Variants in CCDC61 observed in about 807,000 individuals in gnomAD.
CCDC61 encodes the protein coiled-coil domain containing 61, also known as centrosomal protein CCDC61.
A neutral mutation model predicts 63.0 loss-of-function variants in CCDC61; 55 were observed. The observed-to-expected ratio is 0.87, with a 90% CI of 0.70 to 1.09. The LOEUF is 1.09. CCDC61 is among the 50% of genes least tolerant of loss of function. The pLI, the probability that CCDC61 is intolerant of heterozygous loss-of-function variation, is 0.00. For synonymous variants in CCDC61, 270 were observed against 317.0 expected (o/e 0.85, Z 1.58); for missense variants, 651 against 731.4 (o/e 0.89, Z 1.27).
chr19:46,018,429 C>A lies in CCDC61; in HGVS notation c.*42C>A. 1 of 1,494,424 alleles carries A rather than the reference C, an allele frequency of 6.7e-7. No homozygotes were observed. The highest frequency in any genetic ancestry group is 9.1e-7 in the Non-Finnish European group (1 of 1,096,646). The allele number at this position is 1,494,424 out of a possible 1,614,324, so 92.6% of individuals were successfully genotyped here. On this transcript the variant is annotated 3_prime_UTR_variant, in exon 14 of 14. Coordinates refer to ENST00000595358, the MANE Select transcript of CCDC61 (RefSeq NM_001267723.2). This position sits in a 1 kb window ranked among gnomAD's most constrained non-coding sequence, Gnocchi z 4.2. ...TACCCCTCCATCCCCCACCCACTTG[C>A]TGGGTATGGTGTGGGGGGTGGGGCC... is the stretch of plus-strand genomic sequence containing the variant.
chr19:46,013,376 C>T (rs1422832630), intron 5 of CCDC61, among the ~76,000 whole-genome samples: 2 of 151,480 alleles, frequency 1.3e-5, no homozygotes, highest in African/African-American at 2.4e-5. Context: ...AGGCATGTCT[C>T]AAACTCTTGG....
At position 46,018,103 on chromosome 19, in the gene CCDC61, A is replaced by G; in HGVS notation, c.1394A>G (p.His465Arg). The change falls in exon 13 of 14, where the codon CAC (histidine) becomes CGC (arginine). Residue 465 changes from histidine (H) to arginine (R), a missense_variant. His to Arg is a conservative substitution (Grantham distance 29, BLOSUM62 0). Coordinates refer to ENST00000595358, the MANE Select transcript of CCDC61 (RefSeq NM_001267723.2). The surrounding 1 kb of genome is among the most constrained non-coding windows in gnomAD (Gnocchi z 4.2). ...NMKSPPVERS[H>R]HQKSLANSGG... ...AAGTCTCCCCCCGTGGAACGCAGCCACCATCAGAAATCTCTGGCCAACTCC... is the reference window on the plus strand; with the variant it reads ...AAGTCTCCCCCCGTGGAACGCAGCCGCCATCAGAAATCTCTGGCCAACTCC... 1 of 1,611,040 alleles carries G rather than the reference A, an allele frequency of 6.2e-7. No individual in the cohort carries two copies. The highest frequency in any genetic ancestry group is 1.3e-5 in the African/African-American group (1 of 74,866).
intron 5 of CCDC61, among the ~76,000 whole-genome samples, chr19:46,010,745 A>G (rs1049309727): frequency 6.6e-6 from 1 of 152,238 alleles, no homozygotes; most frequent in African/African-American, 2.4e-5. Context: ...CAGCTTCAAC[A>G]GTTACCCACG....
Position 46,016,226 on chromosome 19 carries a change from C to CT in CCDC61, c.1015+4dup, listed in dbSNP as rs1568697201. The CT allele has an allele frequency of 4.5e-6, 7 of 1,550,554 alleles. No homozygotes were observed. The Admixed American group carries it at 1.4e-4, about 30-fold the overall frequency. ...GCGCCCCTCGCCCTCGCCCACAGGT[C>CT]TGTGCCCCTGCCCTGCGGTAGGGAG... On this transcript the variant is annotated splice_donor_region_variant and intron_variant, in intron 8 of 13. Coordinates refer to ENST00000595358, the MANE Select transcript of CCDC61 (RefSeq NM_001267723.2). The surrounding 1 kb of genome is among the most constrained non-coding windows in gnomAD (Gnocchi z 7.2).
At chr19:46,008,880 G>A (rs1309965914) in intron 5 of CCDC61, among the ~76,000 whole-genome samples, 1 of 152,176 alleles carries the variant, frequency 6.6e-6, no homozygotes, top group African/African-American at 2.4e-5. Flanking sequence ...TACGGGAGGG[G>A]TGTTCTTGGC....
At chr19:46,001,513 C>T (rs904997740) in intron 1 of CCDC61, among the ~76,000 whole-genome samples, 2 of 152,226 alleles carry the variant, frequency 1.3e-5, no homozygotes, top group East Asian at 1.9e-4. Flanking sequence ...CGTGAGCCAA[C>T]GCACACGGAC....
intron 5 of CCDC61, among the ~76,000 whole-genome samples, chr19:46,012,017 G>T (rs539772020): frequency 6.6e-6 from 1 of 152,320 alleles, no homozygotes; most frequent in South Asian, 2.1e-4. Context: ...TGGCCAGGCT[G>T]ATCTCGAACT....
chr19:45,997,182 G>A (rs1021482942), intron 1 of CCDC61, among the ~76,000 whole-genome samples: 5 of 152,136 alleles, frequency 3.3e-5, no homozygotes, highest in African/African-American at 1.2e-4. Flanking sequence ...CCACCTCAGG[G>A]CCTTTGTACT....
intron 5 of CCDC61, among the ~76,000 whole-genome samples, chr19:46,009,314 T>C (rs1178984849): frequency 6.6e-6 from 1 of 152,138 alleles, no homozygotes; most frequent in Non-Finnish European, 1.5e-5. Context: ...AATCTGGGGC[T>C]TGATCGCTAC....
rs374101141 is a variant in CCDC61, at chr19:46,006,544, C to T, written c.232-15C>T. 317 of 1,501,912 alleles carry T rather than the reference C, an allele frequency of 2.1e-4. No homozygotes were observed. The African/African-American group carries it at 3.9e-3, about 19-fold the overall frequency. 93.0% of individuals were successfully genotyped at this position (1,501,912 alleles called of 1,614,324 possible). ...GGCGGGTGCTGTGGCAGCTCCTCCT[C>T]TCCTCTCCTGACAGAGTAGTGAGTC... On this transcript the variant is annotated splice_polypyrimidine_tract_variant and intron_variant, in intron 3 of 13. Coordinates refer to ENST00000595358, the MANE Select transcript of CCDC61 (RefSeq NM_001267723.2).
intron 1 of CCDC61, among the ~76,000 whole-genome samples, chr19:45,997,191 C>T (rs1471223276): frequency 6.6e-6 from 1 of 152,176 alleles, no homozygotes; most frequent in Admixed American, 6.5e-5. Context: ...GGCCTTTGTA[C>T]TCGCTGTCCT....
In CCDC61 at chr19:46,003,096, G is replaced by A. The variant is rs372922369; in HGVS notation, c.78G>A (p.Gly26=). The change falls in exon 2 of 14, where the codon GGG becomes GGA. Residue 26 remains glycine (G), a synonymous_variant. Coordinates refer to ENST00000595358, the MANE Select transcript of CCDC61 (RefSeq NM_001267723.2). ...ATGCCGTGCGGGTGATGGTTTCTGG[G>A]CAGGTGCTGGAGCTGGAGGTGGAGG... The part of the protein sequence containing the change: ...VEHAVRVMVS[G]QVLELEVEDR... 1.3e-4 allele frequency: 207 copies of A among 1,612,272 alleles called. No homozygotes were observed. The highest frequency in any genetic ancestry group is 1.7e-4 in the Non-Finnish European group (202 of 1,179,334).
chr19:45,999,563 G>A (rs1968553680), intron 1 of CCDC61, among the ~76,000 whole-genome samples: 1 of 152,138 alleles, frequency 6.6e-6, no homozygotes, highest in Admixed American at 6.6e-5. Context: ...TGATTTGCCC[G>A]TGTCTGGTAT....
chr19:46,001,165 G>A (rs1414374528), intron 1 of CCDC61, among the ~76,000 whole-genome samples: 2 of 152,128 alleles, frequency 1.3e-5, no homozygotes, highest in African/African-American at 4.8e-5. Flanking sequence ...GCACTGCATT[G>A]GGGTCAGGGG....
In CCDC61 at chr19:46,017,311, A is replaced by G; in HGVS notation, c.1368+7A>G. ...CTGGAGTGGGTCCAATATGGTGAGT[A>G]GAAGGGGCAACATAAACCACTGGAA... On this transcript the variant is annotated splice_region_variant and intron_variant, in intron 12 of 13. Transcript: ENST00000595358. 1 of 1,557,594 alleles carries G rather than the reference A, an allele frequency of 6.4e-7. No individual in the cohort carries two copies. Among genetic ancestry groups the G allele is most frequent in the Non-Finnish European group, 8.7e-7 (1 of 1,150,370 alleles).
chr19:46,018,119 G>A lies in CCDC61; in HGVS notation c.1410G>A (p.Leu470=). ...AACGCAGCCACCATCAGAAATCTCT[G>A]GCCAACTCCGGGGGCTGGGTCCCCA... ...PVERSHHQKS[L]ANSGGWVPIK... Residue 470 remains leucine (L), a synonymous_variant, in exon 13 of 14, where the codon CTG becomes CTA. Transcript: ENST00000595358. The surrounding 1 kb of genome is among the most constrained non-coding windows in gnomAD (Gnocchi z 4.2). 6.2e-7 allele frequency: 1 copy of A among 1,610,252 alleles called. No individual in the cohort carries two copies. Among genetic ancestry groups the A allele is most frequent in the Non-Finnish European group, 8.5e-7 (1 of 1,178,376 alleles).
intron 5 of CCDC61, among the ~76,000 whole-genome samples, chr19:46,013,584 C>T (rs944586452): frequency 6.6e-6 from 1 of 151,904 alleles, no homozygotes; most frequent in Non-Finnish European, 1.5e-5. Context: ...TTAACATTTC[C>T]AGGGCCGGGT....
intron 1 of CCDC61, among the ~76,000 whole-genome samples, chr19:45,998,572 C>T (rs1968535118): frequency 1.3e-5 from 2 of 152,026 alleles, no homozygotes; most frequent in African/African-American, 4.8e-5. Flanking sequence ...TGGCTGTATC[C>T]CCAGTGTCTA....
Position 46,018,453 on chromosome 19 carries a change from C to G in CCDC61, c.*66C>G. 5.9e-6 allele frequency: 8 copies of G among 1,349,918 alleles called. No individual in the cohort carries two copies. The highest frequency in any genetic ancestry group is 8.2e-6 in the Non-Finnish European group (8 of 971,612). The allele number at this position is 1,349,918 out of a possible 1,614,324, so 83.6% of individuals were successfully genotyped here. A position where few individuals can be genotyped will look rare whatever the true frequency, so the allele number is the denominator to read the frequency against. ...GCTGGGTATGGTGTGGGGGGTGGGG[C>G]CAGGGTGGCCTCCAGCCCTGCCCAG... On this transcript the variant is annotated 3_prime_UTR_variant, in exon 14 of 14. Coordinates refer to ENST00000595358, the MANE Select transcript of CCDC61 (RefSeq NM_001267723.2). The surrounding 1 kb of genome is among the most constrained non-coding windows in gnomAD (Gnocchi z 4.2).
Sources: allele counts gnomAD v4.1 joint callset (sites outside exome capture counted in the v4.1 genomes callset), GRCh38; gene constraint gnomAD v4.1.1; non-coding constraint Gnocchi (gnomAD v3.1); transcripts MANE v1.5; gene names NCBI Gene and HGNC (gene_info 2026-07-23, HGNC 2026-07-21).